The following RBFOX1 variants were observed in gnomAD, a reference collection of about 807,000 sequenced individuals.
RBFOX1 encodes RNA binding fox-1 homolog 1.
In RBFOX1, 8 loss-of-function variants were observed where a neutral mutation model predicts 57.7. That is an observed-to-expected ratio of 0.14 (90% CI 0.08 to 0.25). The LOEUF is 0.25. Among genes scored for constraint, RBFOX1 ranks in the 10% least tolerant of loss-of-function variants. RBFOX1 has a pLI of 1.00. For synonymous variants in RBFOX1, 326 were observed against 222.4 expected, an observed-to-expected ratio of 1.47 and a Z score of -4.15; for missense variants, 611 against 548.5, an observed-to-expected ratio of 1.11 and a Z score of -1.14.
At chr16:7,294,665 C>T (rs1431008564) in intron 4 of RBFOX1, among the ~76,000 whole-genome samples, 1 of 151,982 alleles carries the variant, frequency 6.6e-6, no homozygotes, top group African/African-American at 2.4e-5. Context: ...AATTAGGTGG[C>T]TGGGGTCAGC....
chr16:5,818,953 G>C (rs1413589234), intron 3 of RBFOX1, among the ~76,000 whole-genome samples: 2 of 152,054 alleles, frequency 1.3e-5, no homozygotes, highest in Non-Finnish European at 2.9e-5. Context: ...ACAATGGATG[G>C]GTCTTAATTA....
chr16:5,314,241 G>A (rs937286240), intron 1 of RBFOX1, among the ~76,000 whole-genome samples: 3 of 152,200 alleles, frequency 2.0e-5, no homozygotes, highest in African/African-American at 7.2e-5. Context: ...CCCAACTTGC[G>A]AATGCATGTA....
At chr16:7,701,687 G>A (rs934571373) in intron 14 of RBFOX1, among the ~76,000 whole-genome samples, 2 of 152,068 alleles carry the variant, frequency 1.3e-5, no homozygotes, top group South Asian at 2.1e-4. Flanking sequence ...TCATCCCTAT[G>A]GTCAATAAAT....
intron 2 of RBFOX1, among the ~76,000 whole-genome samples, chr16:6,530,562 C>T (rs894396797): frequency 6.6e-5 from 10 of 152,078 alleles, no homozygotes; most frequent in Admixed American, 2.6e-4. Context: ...TCTATTTTCA[C>T]GCTGCTGATA....
rs150337800 is a variant in RBFOX1 at position 7,248,175 on chromosome 16, G to A, written c.27+196077G>A. ...GTTTTGAGCCTTGGTTTCTTTATCAGTTAGGGATATTACCAGCTCTCTGAT... is the reference window on the plus strand; with the variant it reads ...GTTTTGAGCCTTGGTTTCTTTATCAATTAGGGATATTACCAGCTCTCTGAT... On this transcript the variant is annotated intron_variant, in intron 4 of 15. Transcript: ENST00000550418. 7.0e-4 allele frequency among the ~76,000 whole-genome samples: 106 copies of A among 152,312 alleles called. 1 individual carries two copies. The highest frequency in any genetic ancestry group is 2.3e-3 in the African/African-American group (97 of 41,562).
chr16:5,296,081 C>G (rs924824091), intron 1 of RBFOX1, among the ~76,000 whole-genome samples: 9 of 95,448 alleles, frequency 9.4e-5, no homozygotes, highest in Non-Finnish European at 2.6e-4. Flanking sequence ...GCCCGGGTTC[C>G]CCCTGAGCTT....
At chr16:6,625,926 G>T (rs547249992) in intron 2 of RBFOX1, among the ~76,000 whole-genome samples, 1 of 152,116 alleles carries the variant, frequency 6.6e-6, no homozygotes, top group Non-Finnish European at 1.5e-5. Context: ...TAAAGTTTAC[G>T]TTATCAGATA....
At chr16:6,529,783 A>G (rs1257589814) in intron 2 of RBFOX1, among the ~76,000 whole-genome samples, 1 of 152,138 alleles carries the variant, frequency 6.6e-6, no homozygotes, top group African/African-American at 2.4e-5. Flanking sequence ...GTAACACTTG[A>G]GAATCTGAAC....
intron 2 of RBFOX1, among the ~76,000 whole-genome samples, chr16:6,355,150 T>G (rs2087059086): frequency 6.6e-6 from 1 of 152,192 alleles, no homozygotes; most frequent in South Asian, 2.1e-4. Context: ...TTATTATTAG[T>G]ATACTTTAAG....
intron 4 of RBFOX1, among the ~76,000 whole-genome samples, chr16:7,352,603 C>G (rs2097148043): frequency 6.6e-6 from 1 of 152,186 alleles, no homozygotes. Context: ...CCTTCAGAAA[C>G]AAGCTCGCTA....
At chr16:6,447,984 C>G (rs935821586) in intron 2 of RBFOX1, among the ~76,000 whole-genome samples, 1 of 152,076 alleles carries the variant, frequency 6.6e-6, no homozygotes, top group Non-Finnish European at 1.5e-5. Flanking sequence ...AAGAGTCTCT[C>G]TCTCTCTCTC....
intron 11 of RBFOX1, among the ~76,000 whole-genome samples, chr16:7,653,224 GC>G (rs1344976269): frequency 6.6e-6 from 1 of 152,162 alleles, no homozygotes; most frequent in African/African-American, 2.4e-5. Context: ...TGTGGGTTGG[GC>G]GTGGTTGGTC....
rs1603588070 is a variant in RBFOX1, at chr16:7,300,866, G to C, written c.28-217281G>C. On this transcript the variant is annotated intron_variant, in intron 4 of 15. Coordinates refer to ENST00000550418, the MANE Select transcript of RBFOX1 (RefSeq NM_018723.4). ...TTCCTGCACTTTTTCAGCTTCCTGT[G>C]GGGTATGTATAACCATTCCATTAAG... Among the ~76,000 whole-genome samples, 3 of 152,278 alleles carry C rather than the reference G, an allele frequency of 2.0e-5. No homozygotes were observed. In the South Asian group the frequency reaches 6.2e-4, roughly 32 times the overall value.
chr16:6,717,388 C>G (rs1215199256), intron 3 of RBFOX1, among the ~76,000 whole-genome samples: 2 of 152,134 alleles, frequency 1.3e-5, no homozygotes, highest in African/African-American at 4.8e-5. Flanking sequence ...GTGCATCTTC[C>G]TACAGAGTCT....
intron 4 of RBFOX1, among the ~76,000 whole-genome samples, chr16:7,226,823 T>C (rs2093153387): frequency 6.6e-6 from 1 of 152,188 alleles, no homozygotes; most frequent in Non-Finnish European, 1.5e-5. Context: ...GCAAATTATC[T>C]CATTAAAATG....
chr16:6,915,884 G>C (rs2073039839), intron 3 of RBFOX1, among the ~76,000 whole-genome samples: 1 of 152,078 alleles, frequency 6.6e-6, no homozygotes, highest in South Asian at 2.1e-4. Flanking sequence ...TAATTCTCCT[G>C]AAGTGGACAT....
rs1249890425 is a variant in RBFOX1, at chr16:6,461,965, G to A, written c.-64+144908G>A. On this transcript the variant is annotated intron_variant, in intron 2 of 15. Transcript: ENST00000550418. ...CTGGATTAATGCCAGGGGCTTGTAT[G>A]TTGAATGTTTCACACGATGCATCTT... Among the ~76,000 whole-genome samples the A allele has an allele frequency of 3.9e-5, 6 of 152,282 alleles. No homozygotes were observed. In the East Asian group the frequency reaches 1.2e-3, roughly 29 times the overall value.
At chr16:6,806,145 T>G (rs747057042) in intron 3 of RBFOX1, among the ~76,000 whole-genome samples, 1 of 152,140 alleles carries the variant, frequency 6.6e-6, no homozygotes. Context: ...TGGAATTAGT[T>G]AGAATAGAAA....
chr16:6,713,364 CA>C (rs1270783471), intron 3 of RBFOX1, among the ~76,000 whole-genome samples: 2 of 152,156 alleles, frequency 1.3e-5, no homozygotes, highest in African/African-American at 4.8e-5. Flanking sequence ...CCAACCTCCA[CA>C]TCCCCATCTC....
Sources: allele counts gnomAD v4.1 joint callset (sites outside exome capture counted in the v4.1 genomes callset), GRCh38; gene constraint gnomAD v4.1.1; transcripts MANE v1.5; gene names NCBI Gene and HGNC (gene_info 2026-07-23, HGNC 2026-07-21).